The following DNAH11 variants were observed in gnomAD, a reference collection of about 807,000 sequenced individuals.
DNAH11 encodes dynein axonemal heavy chain 11.
A neutral mutation model predicts 526.0 loss-of-function variants in DNAH11; 442 were observed. The ratio of observed to expected loss-of-function variants is 0.84; its 90% CI spans 0.78 to 0.91. The LOEUF is 0.91. Ranked by LOEUF, DNAH11 falls within the 40% of genes least tolerant of loss-of-function variation. The pLI is 0.00. For missense variants in DNAH11, 6,989 were observed against 5,448.7 expected (o/e 1.28, Z -8.90); for synonymous variants, 2,461 against 1,935.9 (o/e 1.27, Z -7.12).
chr7:21,599,067 A>G (rs779521401), intron 14 of DNAH11, among the ~76,000 whole-genome samples: 3 of 152,186 alleles, frequency 2.0e-5, no homozygotes, highest in African/African-American at 2.4e-5. Flanking sequence ...TGTCTTTATA[A>G]TAGAATGATT....
At chr7:21,625,946 C>T (rs540853828) in intron 25 of DNAH11, among the ~76,000 whole-genome samples, 28 of 151,926 alleles carry the variant, frequency 1.8e-4, no homozygotes, top group Non-Finnish European at 2.9e-4. Context: ...TATATTGATG[C>T]GTAAGAGATG....
chr7:21,766,273 A>G (rs1265391838), intron 55 of DNAH11, among the ~76,000 whole-genome samples: 4 of 152,226 alleles, frequency 2.6e-5, no homozygotes, highest in Non-Finnish European at 5.9e-5. Context: ...GGATGTAGAT[A>G]TGAGGTTATG....
At chr7:21,797,686 C>T (rs1391426923) in intron 61 of DNAH11, among the ~76,000 whole-genome samples, 1 of 152,188 alleles carries the variant, frequency 6.6e-6, no homozygotes, top group Admixed American at 6.5e-5. Context: ...AGATTGTCAC[C>T]TTTAAGCATG....
intron 36 of DNAH11, among the ~76,000 whole-genome samples, chr7:21,701,461 T>A (rs142016184): frequency 6.6e-6 from 1 of 152,126 alleles, no homozygotes; most frequent in East Asian, 1.9e-4. Context: ...AGCTAATTTT[T>A]GTATTTTTTG....
chr7:21,799,749 A>G lies in DNAH11; in HGVS notation c.10027-1388A>G, dbSNP rs370680291. Among the ~76,000 whole-genome samples, 221 of 152,342 alleles carry G rather than the reference A, an allele frequency of 1.5e-3. 6 individuals are homozygous for G. In the South Asian group the frequency reaches 0.044, roughly 30 times the overall value. The stretch of plus-strand genomic sequence containing the variant: ...TTGATGTATATACATATTTGTGTAT[A>G]TATACATATTGCTTTAGCAATATAA... On this transcript the variant is annotated intron_variant, in intron 61 of 81. Transcript: ENST00000409508.
intron 54 of DNAH11, among the ~76,000 whole-genome samples, chr7:21,752,024 T>A (rs1392112249): frequency 6.6e-6 from 1 of 152,346 alleles, no homozygotes; most frequent in South Asian, 2.1e-4. Context: ...AGCAACTTTT[T>A]AAAAATGCAT....
chr7:21,807,560 C>T (rs1305537981), intron 62 of DNAH11, among the ~76,000 whole-genome samples: 1 of 152,184 alleles, frequency 6.6e-6, no homozygotes, highest in African/African-American at 2.4e-5. Flanking sequence ...CTTCCATTCC[C>T]AGAGGGACAG....
intron 28 of DNAH11, among the ~76,000 whole-genome samples, chr7:21,640,370 T>C (rs1025989096): frequency 3.3e-5 from 5 of 152,150 alleles, no homozygotes; most frequent in Non-Finnish European, 7.3e-5. Flanking sequence ...GGTGACTGTA[T>C]GAGGGTAGCA....
At chr7:21,692,952 G>T (rs778262500) in intron 35 of DNAH11, among the ~76,000 whole-genome samples, 1 of 152,016 alleles carries the variant, frequency 6.6e-6, no homozygotes, top group Non-Finnish European at 1.5e-5. Flanking sequence ...CATACTTATT[G>T]TCTATTGCTA....
rs1787327710 is a variant in DNAH11, at chr7:21,645,745, C to CAGATATCTAAATCAGATATCTAAAAATT, written c.4944+6690_4944+6717dup. Among the ~76,000 whole-genome samples the CAGATATCTAAATCAGATATCTAAAAATT allele has an allele frequency of 1.3e-5, 2 of 149,428 alleles. 1 individual carries two copies. Among genetic ancestry groups the CAGATATCTAAATCAGATATCTAAAAATT allele is most frequent in the African/African-American group, 4.9e-5 (2 of 40,542 alleles). On this transcript the variant is annotated intron_variant, in intron 28 of 81. Coordinates refer to ENST00000409508, the MANE Select transcript of DNAH11 (RefSeq NM_001277115.2). ...ATATCTAAATCAGATATCTAAAAAT[C>CAGATATCTAAATCAGATATCTAAAAATT]AGATATCTAAATCAGATATCTAAAA...
rs1441436303 is a variant in DNAH11 at position 21,901,498 on chromosome 7, GGCAAAGGTTGCAGTGA to G, written c.*247_*262del. The G allele has an allele frequency of 1.1e-5, 4 of 379,714 alleles. No homozygotes were observed. The highest frequency in any genetic ancestry group is 1.3e-5 in the Non-Finnish European group (3 of 235,802). The allele number at this position is 379,714 out of a possible 1,614,324, so 23.5% of individuals were successfully genotyped here. On this transcript the variant is annotated 3_prime_UTR_variant, in exon 82 of 82. Transcript: ENST00000409508. Reference sequence around the variant, plus strand: ...GTAGGAGAATCACTTGAACCTAGGAGGCAAAGGTTGCAGTGAGCCGAGGTTGCACCACTGCACTCCC... The same window carrying G: ...GTAGGAGAATCACTTGAACCTAGGAGGCCGAGGTTGCACCACTGCACTCCC...
At chr7:21,818,589 T>C (rs1026755699) in intron 65 of DNAH11, among the ~76,000 whole-genome samples, 1 of 152,194 alleles carries the variant, frequency 6.6e-6, no homozygotes, top group Non-Finnish European at 1.5e-5. Context: ...GTTATAAATC[T>C]GAGAATCGTT....
In DNAH11 at chr7:21,901,115, A is replaced by T. The variant is rs1365739082; in HGVS notation, c.13412A>T (p.Glu4471Val). 3.1e-6 allele frequency: 5 copies of T among 1,613,422 alleles called. No individual in the cohort carries two copies. The highest frequency in any genetic ancestry group is 4.2e-6 in the Non-Finnish European group (5 of 1,179,464). Residue 4471 changes from glutamate (E) to valine (V), a missense_variant, in exon 82 of 82, where the codon GAA becomes GTA. Coordinates refer to ENST00000409508, the MANE Select transcript of DNAH11 (RefSeq NM_001277115.2). Reference protein sequence around the residue: ...FAKATPVDRQETKQTYECPVY... With the variant: ...FAKATPVDRQVTKQTYECPVY... ...AAAGCCACCCCCGTGGACAGACAAG[A>T]AACCAAACAGACCTACGAGTGCCCT...
chr7:21,590,699 T>G (rs183501471), intron 12 of DNAH11, among the ~76,000 whole-genome samples: 110 of 152,300 alleles, frequency 7.2e-4, no homozygotes, highest in Admixed American at 1.8e-3. Flanking sequence ...TTATAGAAAC[T>G]AATTTCTTGA....
intron 62 of DNAH11, among the ~76,000 whole-genome samples, chr7:21,803,114 G>C (rs1464160097): frequency 1.3e-5 from 2 of 152,062 alleles, no homozygotes; most frequent in Non-Finnish European, 2.9e-5. Flanking sequence ...AATAAAATGT[G>C]TAACTAAAAA....
intron 28 of DNAH11, among the ~76,000 whole-genome samples, chr7:21,649,638 G>A (rs902668033): frequency 6.6e-6 from 1 of 151,706 alleles, no homozygotes; most frequent in Non-Finnish European, 1.5e-5. Context: ...GGAGTCTTAC[G>A]GGTGCTGGTA....
At chr7:21,800,186 T>C (rs1788908352) in intron 61 of DNAH11, among the ~76,000 whole-genome samples, 1 of 152,180 alleles carries the variant, frequency 6.6e-6, no homozygotes, top group South Asian at 2.1e-4. Flanking sequence ...CGTCCTTCTC[T>C]CTTTCTCCAC....
At chr7:21,624,234 AT>A (rs1786221092) in intron 25 of DNAH11, among the ~76,000 whole-genome samples, 1 of 151,946 alleles carries the variant, frequency 6.6e-6, no homozygotes, top group Non-Finnish European at 1.5e-5. Context: ...TATTATCTAC[AT>A]TTTTTCATCA....
intron 38 of DNAH11, 87 bp downstream of exon 38, chr7:21,704,715 A>C: frequency 7.1e-7 from 1 of 1,414,582 alleles, no homozygotes; most frequent in Non-Finnish European, 9.5e-7. Flanking sequence ...CAAGATGTTA[A>C]CTTGTACCCT....
Sources: allele counts gnomAD v4.1 joint callset (sites outside exome capture counted in the v4.1 genomes callset), GRCh38; gene constraint gnomAD v4.1.1; transcripts MANE v1.5; gene names NCBI Gene and HGNC (gene_info 2026-07-23, HGNC 2026-07-21).